The following GMPPB variants were observed in gnomAD, a reference collection of about 807,000 sequenced individuals.
GMPPB encodes mannose-1-phosphate guanylyltransferase catalytic subunit beta.
A neutral mutation model predicts 40.3 loss-of-function variants in GMPPB; 38 were observed. That is an observed-to-expected ratio of 0.94 (90% CI 0.73 to 1.24). The LOEUF (loss-of-function observed/expected upper bound fraction) is 1.24, where lower values mean the gene tolerates loss of function less well. Among genes scored for constraint, GMPPB ranks in the 50% most tolerant of loss-of-function variants. The pLI is 0.00. For synonymous variants in GMPPB, 193 were observed against 191.8 expected, an observed-to-expected ratio of 1.01 and a Z score of -0.05; for missense variants, 436 against 487.1, an observed-to-expected ratio of 0.90 and a Z score of 0.99.
Position 49,721,112 on chromosome 3 carries a change from G to C in GMPPB, c.*640C>G. On this transcript the variant is annotated 3_prime_UTR_variant, in exon 9 of 9. Transcript: ENST00000308388. ...GTGGCCACAAGTCCTGCAAGTAAGTGGGCCCCACAGCTTGGTGGTGGGGAG... is the reference window on the plus strand; with the variant it reads ...GTGGCCACAAGTCCTGCAAGTAAGTCGGCCCCACAGCTTGGTGGTGGGGAG... 1 of 1,613,930 alleles carries C rather than the reference G, an allele frequency of 6.2e-7. No homozygotes were observed. The highest frequency in any genetic ancestry group is 8.5e-7 in the Non-Finnish European group (1 of 1,179,864).
intron 4 of GMPPB, 84 bp downstream of exon 4, chr3:49,722,888 C>A: frequency 6.5e-7 from 1 of 1,535,936 alleles, no homozygotes. Context: ...TCCATAACAT[C>A]CGAAGGCAGA....
chr3:49,721,900 G>A lies in GMPPB; in HGVS notation c.952-17C>T. ...CATGCGTACCTCCAGGAGAGGATAGGCCTTGTCAGGGAGGCAGGCACACTC... is the reference window on the plus strand; with the variant it reads ...CATGCGTACCTCCAGGAGAGGATAGACCTTGTCAGGGAGGCAGGCACACTC... On this transcript the variant is annotated splice_polypyrimidine_tract_variant and intron_variant, in intron 8 of 8. Coordinates refer to ENST00000308388, the MANE Select transcript of GMPPB (RefSeq NM_021971.4). The A allele has an allele frequency of 1.9e-6, 3 of 1,613,964 alleles. No individual in the cohort carries two copies. The highest frequency in any genetic ancestry group is 2.5e-6 in the Non-Finnish European group (3 of 1,180,010).
chr3:49,721,508 C>CATTAA lies in GMPPB; in HGVS notation c.*239_*243dup, dbSNP rs780456158. ...GACTTTCAGTCAGGGCCACAGTGAG[C>CATTAA]ATTAAATTATTATTCCATACAGCCC... On this transcript the variant is annotated 3_prime_UTR_variant, in exon 9 of 9. Coordinates refer to ENST00000308388, the MANE Select transcript of GMPPB (RefSeq NM_021971.4). 1 of 845,892 alleles carries CATTAA rather than the reference C, an allele frequency of 1.2e-6. No individual in the cohort carries two copies. The allele number at this position is 845,892 out of a possible 1,614,324, so 52.4% of individuals were successfully genotyped here. A position where few individuals can be genotyped will look rare whatever the true frequency, so the allele number is the denominator to read the frequency against.
In GMPPB at chr3:49,723,697, A is replaced by G. The variant is rs140509231; in HGVS notation, c.30T>C (p.Tyr10=). 19 of 1,592,754 alleles carry G rather than the reference A, an allele frequency of 1.2e-5. No homozygotes were observed. The African/African-American group carries it at 2.2e-4, about 18-fold the overall frequency. MKALILVGG[Y]GTRLRPLTLS... ...GCGTCAGCGGCCGTAGCCGCGTCCC[A>G]TAGCCCCCCACTAAGATCAGTGCCT... The change falls in exon 1 of 9, where the codon TAT becomes TAC. Residue 10 remains tyrosine (Y), a synonymous_variant. Transcript: ENST00000308388.
At position 49,720,860 on chromosome 3, in the gene GMPPB, C is replaced by T. The variant is rs769176209; in HGVS notation, c.*892G>A. 1 of 1,614,164 alleles carries T rather than the reference C, an allele frequency of 6.2e-7. No individual in the cohort carries two copies. The highest frequency in any genetic ancestry group is 2.2e-5 in the East Asian group (1 of 44,888). On this transcript the variant is annotated 3_prime_UTR_variant, in exon 9 of 9. Coordinates refer to ENST00000308388, the MANE Select transcript of GMPPB (RefSeq NM_021971.4). ...GTGGAACAGATGCTGGCGCACCTGACCTCTGCATCTGCCCAGGCAGCAGCT... is the reference window on the plus strand; with the variant it reads ...GTGGAACAGATGCTGGCGCACCTGATCTCTGCATCTGCCCAGGCAGCAGCT...
In GMPPB at chr3:49,721,773, T is replaced by C. The variant is rs1319638159; in HGVS notation, c.1062A>G (p.Pro354=). The change falls in exon 9 of 9, where the codon CCA becomes CCG. Residue 354 remains proline, a synonymous_variant. Transcript: ENST00000308388. ...LPHKSIGESV[P]EPRIIM The stretch of plus-strand genomic sequence containing the variant: ...CCCCTCACATGATGATACGAGGCTC[T>C]GGCACTGACTCGCCAATAGACTTGT... 1.2e-6 allele frequency: 2 copies of C among 1,607,582 alleles called. No homozygotes were observed. Among genetic ancestry groups the C allele is most frequent in the Non-Finnish European group, 1.7e-6 (2 of 1,178,880 alleles).
rs71324991 is a variant in GMPPB at position 49,721,937 on chromosome 3, C to T, written c.951+28G>A. 1.4e-6 allele frequency: 2 copies of T among 1,466,560 alleles called. No individual in the cohort carries two copies. Among genetic ancestry groups the T allele is most frequent in the Admixed American group, 3.4e-5 (2 of 59,666 alleles). The allele number at this position is 1,466,560 out of a possible 1,614,324, so 90.8% of individuals were successfully genotyped here. On this transcript the variant is annotated intron_variant, in intron 8 of 8. Coordinates refer to ENST00000308388, the MANE Select transcript of GMPPB (RefSeq NM_021971.4). ...AGGCAGGCACACTCCCCGCCCCTCT[C>T]CCCACCCAGCCCAGCCCACAGGCTT...
chr3:49,721,911 G>T, intron 8 of GMPPB, 28 bp from the exon 9 acceptor site: 1 of 1,613,848 alleles, frequency 6.2e-7, no homozygotes, highest in Non-Finnish European at 8.5e-7. Flanking sequence ...CCTTGTCAGG[G>T]AGGCAGGCAC....
chr3:49,722,601 T>A lies in GMPPB; in HGVS notation c.556A>T (p.Ile186Phe), dbSNP rs2080434109. 1 of 1,613,832 alleles carries A rather than the reference T, an allele frequency of 6.2e-7. No individual in the cohort carries two copies. Among genetic ancestry groups the A allele is most frequent in the Non-Finnish European group, 8.5e-7 (1 of 1,179,910 alleles). The part of the protein sequence containing the change: ...YILSPAVLQR[I>F]QLQPTSIEKE... ...AACAGCTGTCTCCTACACACCTGGA[T>A]GCGCTGCAGCACTGCAGGGCTCAGG... The change falls in exon 5 of 9, where the codon ATC becomes TTC. Residue 186 changes from isoleucine (I) to phenylalanine (F), a missense_variant. Coordinates refer to ENST00000308388, the MANE Select transcript of GMPPB (RefSeq NM_021971.4).
rs758284245 is a variant in GMPPB at position 49,721,868 on chromosome 3, C to G, written c.967G>C (p.Val323Leu). The change falls in exon 9 of 9, where the codon GTG becomes CTG. Residue 323 changes from valine to leucine, a missense_variant. By Grantham distance (32) the Val-to-Leu change is conservative. Coordinates refer to ENST00000308388, the MANE Select transcript of GMPPB (RefSeq NM_021971.4). Reference protein sequence around the residue: ...RVGQWVRMENVTVLGEDVIVN... With the variant: ...RVGQWVRMENLTVLGEDVIVN... ...ATGACGTCCTCACCCAGCACTGTCA[C>G]GTTCTCCATGCGTACCTCCAGGAGA... The G allele has an allele frequency of 6.2e-6, 10 of 1,613,926 alleles. No individual in the cohort carries two copies. Among genetic ancestry groups the G allele is most frequent in the South Asian group, 1.1e-5 (1 of 91,092 alleles).
chr3:49,722,144 G>A lies in GMPPB; in HGVS notation c.772C>T (p.Pro258Ser), dbSNP rs2080423504. 1.9e-6 allele frequency: 3 copies of A among 1,609,736 alleles called. No homozygotes were observed. In the African/African-American group the frequency reaches 4.0e-5, roughly 21 times the overall value. Residue 258 changes from proline (P) to serine (S), a missense_variant, in exon 8 of 9, where the codon CCA (proline) becomes TCA (serine). Pro to Ser is a moderately conservative substitution (Grantham distance 74). Coordinates refer to ENST00000308388, the MANE Select transcript of GMPPB (RefSeq NM_021971.4). ...PGIVGNVLVD[P>S]SARIGQNCSI... ...CAGTTCTGGCCGATGCGGGCACTTG[G>A]GTCCTGAGAGCGGTGGGAAAAATAC...
chr3:49,721,123 CTTGGTGG>C lies in GMPPB; in HGVS notation c.*622_*628del, dbSNP rs2080395850. The C allele has an allele frequency of 6.2e-7, 1 of 1,613,758 alleles. No homozygotes were observed. Among genetic ancestry groups the C allele is most frequent in the Non-Finnish European group, 8.5e-7 (1 of 1,179,814 alleles). On this transcript the variant is annotated 3_prime_UTR_variant, in exon 9 of 9. Transcript: ENST00000308388. Reference sequence around the variant, plus strand: ...TCCTGCAAGTAAGTGGGCCCCACAGCTTGGTGGTGGGGAGAGCAGTAGGTACATGCAG... The same window carrying C: ...TCCTGCAAGTAAGTGGGCCCCACAGCTGGGGAGAGCAGTAGGTACATGCAG...
chr3:49,723,253 C>T lies in GMPPB; in HGVS notation c.259+1G>A. 1 of 1,614,132 alleles carries T rather than the reference C, an allele frequency of 6.2e-7. No homozygotes were observed. On this transcript the variant is annotated splice_donor_variant, in intron 3 of 8. Coordinates refer to ENST00000308388, the MANE Select transcript of GMPPB (RefSeq NM_021971.4). LOFTEE classifies it high-confidence loss of function. Reference sequence around the variant, plus strand: ...CAAGGGACCTTTCTGCCTCTACTGACCTGTCCCCAAAGGCTCCTCTTCATG... The same window carrying T: ...CAAGGGACCTTTCTGCCTCTACTGATCTGTCCCCAAAGGCTCCTCTTCATG...
chr3:49,721,463 C>T lies in GMPPB; in HGVS notation c.*289G>A, dbSNP rs760862244. On this transcript the variant is annotated 3_prime_UTR_variant, in exon 9 of 9. Coordinates refer to ENST00000308388, the MANE Select transcript of GMPPB (RefSeq NM_021971.4). ...CTCATTGGTGGGAGCCCAGCCATGG[C>T]CCTAATTGTGCCTGAGCTTGACTTT... 9.7e-7 allele frequency: 1 copy of T among 1,029,004 alleles called. No individual in the cohort carries two copies. The highest frequency in any genetic ancestry group is 1.7e-5 in the Admixed American group (1 of 58,322). 63.7% of individuals were successfully genotyped at this position (1,029,004 alleles called of 1,614,324 possible). A position where few individuals can be genotyped will look rare whatever the true frequency, so the allele number is the denominator to read the frequency against.
Position 49,721,411 on chromosome 3 carries a change from C to T in GMPPB, c.*341G>A. On this transcript the variant is annotated 3_prime_UTR_variant, in exon 9 of 9. Transcript: ENST00000308388. Reference sequence around the variant, plus strand: ...CCTTCTCCTGTATCCCACACCACCACATCCAACCTCCTTGCCTGCCTGTAT... The same window carrying T: ...CCTTCTCCTGTATCCCACACCACCATATCCAACCTCCTTGCCTGCCTGTAT... 2.1e-6 allele frequency: 3 copies of T among 1,423,208 alleles called. No individual in the cohort carries two copies. The highest frequency in any genetic ancestry group is 2.3e-5 in the East Asian group (1 of 44,020). 88.2% of individuals were successfully genotyped at this position (1,423,208 alleles called of 1,614,324 possible). A position where few individuals can be genotyped will look rare whatever the true frequency, so the allele number is the denominator to read the frequency against.
At position 49,721,017 on chromosome 3, in the gene GMPPB, C is replaced by T. The variant is rs576430897; in HGVS notation, c.*735G>A. The T allele has an allele frequency of 1.9e-6, 3 of 1,610,656 alleles. No homozygotes were observed. Among genetic ancestry groups the T allele is most frequent in the African/African-American group, 2.7e-5 (2 of 75,004 alleles). ...AGCCCACCCTTCACTCTCCTCCCTG[C>T]AGCCCACCAGTGAGGAGGACCTCTG... On this transcript the variant is annotated 3_prime_UTR_variant, in exon 9 of 9. Coordinates refer to ENST00000308388, the MANE Select transcript of GMPPB (RefSeq NM_021971.4).
chr3:49,720,150 T>C lies in GMPPB; in HGVS notation c.*1602A>G. On this transcript the variant is annotated 3_prime_UTR_variant, in exon 9 of 9. Transcript: ENST00000308388. ...GGCCAACCTGGTGAAACCCTGTCTC[T>C]ACTAAAAATACAACAATTAGCCGGG... 1 of 119,506 alleles carries C rather than the reference T, an allele frequency of 8.4e-6. No individual in the cohort carries two copies. Among genetic ancestry groups the C allele is most frequent in the Non-Finnish European group, 1.7e-5 (1 of 58,196 alleles). The allele number at this position is 119,506 out of a possible 1,614,324, so 7.4% of individuals were successfully genotyped here.
At position 49,720,865 on chromosome 3, in the gene GMPPB, G is replaced by C. The variant is rs762437389; in HGVS notation, c.*887C>G. ...ACAGATGCTGGCGCACCTGACCTCT[G>C]CATCTGCCCAGGCAGCAGCTGCCTC... On this transcript the variant is annotated 3_prime_UTR_variant, in exon 9 of 9. Transcript: ENST00000308388. The C allele has an allele frequency of 2.5e-5, 41 of 1,614,020 alleles. No homozygotes were observed. The highest frequency in any genetic ancestry group is 3.3e-5 in the Non-Finnish European group (39 of 1,180,040).
In GMPPB at chr3:49,723,918, C is replaced by T. The variant is rs2080464711; in HGVS notation, c.-192G>A. 1.7e-6 allele frequency: 1 copy of T among 572,116 alleles called. No individual in the cohort carries two copies. Among genetic ancestry groups the T allele is most frequent in the East Asian group, 3.2e-5 (1 of 30,990 alleles). The allele number at this position is 572,116 out of a possible 1,614,324, so 35.4% of individuals were successfully genotyped here. A position where few individuals can be genotyped will look rare whatever the true frequency, so the allele number is the denominator to read the frequency against. On this transcript the variant is annotated 5_prime_UTR_variant, in exon 1 of 9. Transcript: ENST00000308388. Reference sequence around the variant, plus strand: ...TCCAGGGCCGCCACAACACAGAACGCGACACCGGGTAGACGGCTGCTGGCC... The same window carrying T: ...TCCAGGGCCGCCACAACACAGAACGTGACACCGGGTAGACGGCTGCTGGCC...
Sources: gnomAD v4.1 joint callset for allele counts on GRCh38, gnomAD v4.1.1 for gene constraint, MANE v1.5 for transcripts, NCBI Gene and HGNC (gene_info 2026-07-23, HGNC 2026-07-21) for gene names.